SLC24A2: variants seen among roughly 807,000 people sequenced by gnomAD.
SLC24A2 encodes sodium/potassium/calcium exchanger 2.
A neutral mutation model predicts 62.0 loss-of-function variants in SLC24A2; 36 were observed. The ratio of observed to expected loss-of-function variants is 0.58; its 90% CI spans 0.44 to 0.77. SLC24A2 has a LOEUF of 0.77. Ranked by LOEUF, SLC24A2 falls within the 30% of genes least tolerant of loss-of-function variation. The pLI is 0.00. For missense variants in SLC24A2, 846 were observed against 817.9 expected (o/e 1.03, Z -0.42); for synonymous variants, 358 against 294.0 (o/e 1.22, Z -2.23).
At chr9:19,727,600 T>C (rs1821209217) in intron 2 of SLC24A2, among the ~76,000 whole-genome samples, 2 of 152,212 alleles carry the variant, frequency 1.3e-5, no homozygotes, top group Admixed American at 1.3e-4. Context: ...CACTCGTACC[T>C]GTTTGTTGGA....
chr9:19,879,280 A>G, the SLC24A2 span, among the ~76,000 whole-genome samples: 3 of 152,192 alleles, frequency 2.0e-5, no homozygotes, highest in Non-Finnish European at 4.4e-5. Flanking sequence ...AGCAACCCCG[A>G]GAGGAGACTG....
chr9:20,033,088 C>T, the SLC24A2 span, among the ~76,000 whole-genome samples: 48 of 152,186 alleles, frequency 3.2e-4, no homozygotes, highest in Admixed American at 2.9e-3. Flanking sequence ...TTTAGATTTT[C>T]AGGGTTTAGA....
At chr9:19,942,952 A>T in the SLC24A2 span, among the ~76,000 whole-genome samples, 1 of 152,186 alleles carries the variant, frequency 6.6e-6, no homozygotes, top group African/African-American at 2.4e-5. Context: ...ATTCTAGAGA[A>T]ACCTAGAAAT....
the SLC24A2 span, among the ~76,000 whole-genome samples, chr9:20,179,371 A>G: frequency 6.6e-6 from 1 of 152,188 alleles, no homozygotes; most frequent in African/African-American, 2.4e-5. Flanking sequence ...AATCGGAGAA[A>G]AAAAGGAATG....
chr9:19,608,680 C>A (rs572006416), intron 4 of SLC24A2, among the ~76,000 whole-genome samples: 2 of 152,250 alleles, frequency 1.3e-5, no homozygotes, highest in South Asian at 4.1e-4. Context: ...GTGTGTGGCA[C>A]AGAGTGGGTA....
chr9:19,511,275 A>C lies in SLC24A2; in HGVS notation c.*4878T>G, dbSNP rs1832705668. On this transcript the variant is annotated 3_prime_UTR_variant, in exon 11 of 11. Coordinates refer to ENST00000341998, the MANE Select transcript of SLC24A2 (RefSeq NM_020344.4). ...AAAAAATATGAAGCTCTGAGATTAA[A>C]AATGAAACGCAAAGACAGAGGCAGA... 6.6e-6 allele frequency: 1 copy of C among 152,174 alleles called. No individual in the cohort carries two copies. The highest frequency in any genetic ancestry group is 2.4e-5 in the African/African-American group (1 of 41,448). 9.4% of individuals were successfully genotyped at this position (152,174 alleles called of 1,614,324 possible).
chr9:20,232,470 G>A, the SLC24A2 span, among the ~76,000 whole-genome samples: 4 of 152,192 alleles, frequency 2.6e-5, no homozygotes, highest in African/African-American at 7.2e-5. Flanking sequence ...TTGGGAGGAT[G>A]TACGTGTCGA....
At chr9:19,957,382 G>A in the SLC24A2 span, 4 of 152,312 alleles carry the variant, frequency 2.6e-5, no homozygotes, top group South Asian at 2.1e-4. Context: ...AATCCAGCAG[G>A]TTCAAGCACA....
the SLC24A2 span, among the ~76,000 whole-genome samples, chr9:19,867,624 T>G: frequency 6.6e-6 from 1 of 152,190 alleles, no homozygotes; most frequent in Admixed American, 6.5e-5. Flanking sequence ...AAAAACAACT[T>G]TCAGGCCGGG....
the SLC24A2 span, among the ~76,000 whole-genome samples, chr9:20,068,829 C>G: frequency 6.6e-6 from 1 of 152,112 alleles, no homozygotes; most frequent in Admixed American, 6.6e-5. Context: ...ATCCTGCTGT[C>G]AGCCTGTTCA....
chr9:19,714,142 C>T (rs1820791818), intron 2 of SLC24A2, among the ~76,000 whole-genome samples: 2 of 152,216 alleles, frequency 1.3e-5, no homozygotes, highest in Non-Finnish European at 2.9e-5. Context: ...CTTTCTACAA[C>T]AACACACACT....
At chr9:19,807,599 G>A in the SLC24A2 span, among the ~76,000 whole-genome samples, 1 of 152,182 alleles carries the variant, frequency 6.6e-6, no homozygotes, top group Non-Finnish European at 1.5e-5. Context: ...CAGTATATTT[G>A]AATAAAAATG....
chr9:19,907,374 T>G, the SLC24A2 span, among the ~76,000 whole-genome samples: 1 of 152,204 alleles, frequency 6.6e-6, no homozygotes, highest in African/African-American at 2.4e-5. Flanking sequence ...AATGTCATAC[T>G]GAATGGGCAA....
At chr9:19,603,222 C>A (rs987708260) in intron 4 of SLC24A2, among the ~76,000 whole-genome samples, 2 of 152,030 alleles carry the variant, frequency 1.3e-5, no homozygotes, top group African/African-American at 4.8e-5. Context: ...TTAATGACAT[C>A]TATCATCTTG....
At chr9:20,087,938 A>G in the SLC24A2 span, among the ~76,000 whole-genome samples, 1 of 152,200 alleles carries the variant, frequency 6.6e-6, no homozygotes, top group Non-Finnish European at 1.5e-5. Context: ...CGATCCGGGG[A>G]CCCATGCTTC....
At chr9:20,143,323 A>G in the SLC24A2 span, among the ~76,000 whole-genome samples, 1 of 152,248 alleles carries the variant, frequency 6.6e-6, no homozygotes, top group Non-Finnish European at 1.5e-5. Flanking sequence ...AAAAGAGGAG[A>G]AAAAGATACA....
chr9:19,570,851 CCCAGGTCACCTGATTGCTCTTGAGGT>C (rs1260350383), intron 7 of SLC24A2, among the ~76,000 whole-genome samples: 1 of 152,088 alleles, frequency 6.6e-6, no homozygotes, highest in Non-Finnish European at 1.5e-5. Flanking sequence ...GACCTGCAGG[CCCAGGTCACCTGATTGCTCTTGAGGT>C]CCAGGTCATC....
rs1287213812 is a variant in SLC24A2 at position 19,508,551 on chromosome 9, G to C, written c.*7602C>G. On this transcript the variant is annotated 3_prime_UTR_variant, in exon 11 of 11. Coordinates refer to ENST00000341998, the MANE Select transcript of SLC24A2 (RefSeq NM_020344.4). ...CTCATTCCTTTAATCCCAGCACTTTGGGAGGCCAAAGCAGGAGGATCTCTT... is the reference window on the plus strand; with the variant it reads ...CTCATTCCTTTAATCCCAGCACTTTCGGAGGCCAAAGCAGGAGGATCTCTT... 2 of 152,174 alleles carry C rather than the reference G, an allele frequency of 1.3e-5. No homozygotes were observed. Among genetic ancestry groups the C allele is most frequent in the African/African-American group, 4.8e-5 (2 of 41,428 alleles). 9.4% of individuals were successfully genotyped at this position (152,174 alleles called of 1,614,324 possible).
At chr9:19,723,224 G>T (rs1821079349) in intron 2 of SLC24A2, among the ~76,000 whole-genome samples, 1 of 151,964 alleles carries the variant, frequency 6.6e-6, no homozygotes, top group Non-Finnish European at 1.5e-5. Context: ...TCTCCAAATA[G>T]CTTAAGGCAA....
Sources: allele counts gnomAD v4.1 joint callset (sites outside exome capture counted in the v4.1 genomes callset), GRCh38; gene constraint gnomAD v4.1.1; transcripts MANE v1.5; gene names NCBI Gene and HGNC (gene_info 2026-07-23, HGNC 2026-07-21).